Variants in CTNNBIP1 observed in about 807,000 individuals in gnomAD.
CTNNBIP1 encodes catenin beta interacting protein 1.
CTNNBIP1 carries 7 observed loss-of-function variants against 11.8 expected under a neutral mutation model. The observed-to-expected ratio is 0.60, with a 90% CI of 0.34 to 1.12. The LOEUF is 1.12. Ranked by LOEUF, CTNNBIP1 falls within the 50% of genes most tolerant of loss-of-function variation. The pLI is 0.03. For missense variants in CTNNBIP1, 101 were observed against 113.4 expected, an observed-to-expected ratio of 0.89 and a Z score of 0.50; for synonymous variants, 58 against 43.9, an observed-to-expected ratio of 1.32 and a Z score of -1.26.
intron 1 of CTNNBIP1, among the ~76,000 whole-genome samples, chr1:9,890,922 T>C (rs1639288554): frequency 6.6e-6 from 1 of 152,114 alleles, no homozygotes; most frequent in African/African-American, 2.4e-5. Context: ...ATTCCAGGGA[T>C]GGAGCCTGGC....
chr1:9,858,353 G>A (rs1009045098), intron 5 of CTNNBIP1, among the ~76,000 whole-genome samples: 2 of 152,110 alleles, frequency 1.3e-5, no homozygotes, highest in Admixed American at 6.6e-5. Context: ...CAAGGCCAAC[G>A]CCCACCTCCT....
At chr1:9,866,616 G>A (rs1638752296) in intron 5 of CTNNBIP1, among the ~76,000 whole-genome samples, 1 of 151,536 alleles carries the variant, frequency 6.6e-6, no homozygotes, top group Non-Finnish European at 1.5e-5. Context: ...GAAGGTGGGG[G>A]CTGCAGTGAG....
chr1:9,865,357 T>C (rs1638721721), intron 5 of CTNNBIP1, among the ~76,000 whole-genome samples: 1 of 152,060 alleles, frequency 6.6e-6, no homozygotes, highest in South Asian at 2.1e-4. Flanking sequence ...TCCCAGCACT[T>C]TGGGGGGCCG....
intron 1 of CTNNBIP1, among the ~76,000 whole-genome samples, chr1:9,907,600 CG>C (rs1335116625): frequency 2.6e-5 from 4 of 152,144 alleles, no homozygotes; most frequent in African/African-American, 9.7e-5. Context: ...ACAATACAAC[CG>C]GATGTGGGAA....
At chr1:9,853,697 A>C (rs1439711045) in intron 5 of CTNNBIP1, among the ~76,000 whole-genome samples, 1 of 152,194 alleles carries the variant, frequency 6.6e-6, no homozygotes, top group Admixed American at 6.5e-5. Flanking sequence ...ACACTGTCTG[A>C]ACTTGAGCTC....
At chr1:9,902,852 G>A (rs1402466087) in intron 1 of CTNNBIP1, among the ~76,000 whole-genome samples, 1 of 151,448 alleles carries the variant, frequency 6.6e-6, no homozygotes, top group African/African-American at 2.4e-5. Context: ...TGCAACCTCC[G>A]CCTCCAGCGT....
chr1:9,880,383 G>A (rs1056661696), intron 2 of CTNNBIP1, among the ~76,000 whole-genome samples: 3 of 152,156 alleles, frequency 2.0e-5, no homozygotes, highest in Admixed American at 2.0e-4. Context: ...TATCATTGAT[G>A]GGCATCTGGG....
At chr1:9,878,990 G>A (rs144826988) in intron 2 of CTNNBIP1, among the ~76,000 whole-genome samples, 4,040 of 152,270 alleles carry the variant, frequency 0.027, 78 homozygotes, top group Non-Finnish European at 0.041. Context: ...AAGGTCAGGC[G>A]TTCGAGACCA....
chr1:9,875,206 C>A (rs1379719150), intron 3 of CTNNBIP1, among the ~76,000 whole-genome samples: 1 of 152,176 alleles, frequency 6.6e-6, no homozygotes, highest in East Asian at 1.9e-4. Flanking sequence ...CGTACTATCA[C>A]AAACCACACT....
At position 9,871,625 on chromosome 1, in the gene CTNNBIP1, G is replaced by T. The variant is rs966178163; in HGVS notation, c.96+344C>A. ...ATACCCCTGCACATGCATGCCTGCT[G>T]CCCCCTCAGCTCCTGTCCTGACAAG... is the stretch of plus-strand genomic sequence containing the variant. On this transcript the variant is annotated intron_variant, in intron 4 of 5. Transcript: ENST00000377263. This position sits in a 1 kb window ranked among gnomAD's most constrained non-coding sequence, Gnocchi z 5.2. Among the ~76,000 whole-genome samples the T allele has an allele frequency of 1.3e-4, 20 of 152,174 alleles. No individual in the cohort carries two copies. Among genetic ancestry groups the T allele is most frequent in the African/African-American group, 4.8e-4 (20 of 41,434 alleles).
intron 5 of CTNNBIP1, among the ~76,000 whole-genome samples, chr1:9,853,375 G>A (rs910306986): frequency 2.0e-5 from 3 of 152,216 alleles, no homozygotes; most frequent in Admixed American, 2.0e-4. Flanking sequence ...TCTGGCCGAG[G>A]ACACTGGTTC....
intron 5 of CTNNBIP1, among the ~76,000 whole-genome samples, chr1:9,853,690 C>T (rs918955710): frequency 6.6e-6 from 1 of 152,236 alleles, no homozygotes; most frequent in Admixed American, 6.5e-5. Flanking sequence ...TCTGTTGACA[C>T]TGTCTGAACT....
intron 1 of CTNNBIP1, among the ~76,000 whole-genome samples, chr1:9,887,831 T>C (rs1366642914): frequency 6.6e-6 from 1 of 152,096 alleles, no homozygotes; most frequent in Non-Finnish European, 1.5e-5. Flanking sequence ...TAGAAATTAA[T>C]TAATTATTTT....
intron 5 of CTNNBIP1, among the ~76,000 whole-genome samples, chr1:9,860,143 A>G (rs903728322): frequency 2.6e-5 from 4 of 152,080 alleles, no homozygotes; most frequent in African/African-American, 4.8e-5. Flanking sequence ...TTCCTCCAAA[A>G]TTGATGAGGG....
At chr1:9,888,923 C>T (rs1639241178) in intron 1 of CTNNBIP1, among the ~76,000 whole-genome samples, 1 of 152,240 alleles carries the variant, frequency 6.6e-6, no homozygotes, top group Non-Finnish European at 1.5e-5. Flanking sequence ...TCATTCAATA[C>T]AGCCCCGCAA....
At chr1:9,863,733 G>C (rs950926596) in intron 5 of CTNNBIP1, among the ~76,000 whole-genome samples, 27 of 152,222 alleles carry the variant, frequency 1.8e-4, no homozygotes, top group Non-Finnish European at 3.4e-4. Flanking sequence ...TGACTTGGAA[G>C]GGGTCAGCGA....
rs1469603699 is a variant in CTNNBIP1 at position 9,883,182 on chromosome 1, C to T, written c.-110+523G>A. 1.3e-5 allele frequency among the ~76,000 whole-genome samples: 2 copies of T among 152,136 alleles called. No homozygotes were observed. The highest frequency in any genetic ancestry group is 4.8e-5 in the African/African-American group (2 of 41,446). ...CTGGAAGGAAGTCCAACCTGCCAAG[C>T]GGAGGGCATTGGGCCCTGGTCAGGA... On this transcript the variant is annotated intron_variant, in intron 2 of 5. Coordinates refer to ENST00000377263, the MANE Select transcript of CTNNBIP1 (RefSeq NM_020248.3). The surrounding 1 kb of genome is among the most constrained non-coding windows in gnomAD (Gnocchi z 5.6).
intron 2 of CTNNBIP1, among the ~76,000 whole-genome samples, chr1:9,878,472 T>C (rs1639016096): frequency 6.6e-6 from 1 of 152,236 alleles, no homozygotes; most frequent in Non-Finnish European, 1.5e-5. Context: ...TATGTGTCTG[T>C]GTGCTTCAGT....
At chr1:9,886,380 T>G (rs1639188140) in intron 1 of CTNNBIP1, among the ~76,000 whole-genome samples, 1 of 141,324 alleles carries the variant, frequency 7.1e-6, no homozygotes, top group South Asian at 2.1e-4. Context: ...CCCCCTCCAG[T>G]TGTGACAATC....
Sources: gnomAD v4.1 joint callset for allele counts (sites outside exome capture counted in the v4.1 genomes callset) on GRCh38, gnomAD v4.1.1 for gene constraint, Gnocchi (gnomAD v3.1) non-coding constraint, MANE v1.5 for transcripts, NCBI Gene and HGNC (gene_info 2026-07-23, HGNC 2026-07-21) for gene names.